The following TRIO variants were observed in gnomAD, a reference collection of about 807,000 sequenced individuals.
The protein encoded by TRIO is trio Rho guanine nucleotide exchange factor.
Under a neutral mutation model 351.9 loss-of-function variants are expected in TRIO, and 58 were observed. The ratio of observed to expected loss-of-function variants is 0.16; its 90% CI spans 0.13 to 0.21. TRIO has a LOEUF of 0.21. Ranked by LOEUF, TRIO falls within the 10% of genes least tolerant of loss-of-function variation. TRIO has a pLI of 1.00. For missense variants in TRIO, 3,201 were observed against 4,027.8 expected (o/e 0.79, Z 5.56); for synonymous variants, 1,758 against 1,595.7 (o/e 1.10, Z -2.42).
intron 1 of TRIO, among the ~76,000 whole-genome samples, chr5:14,195,988 T>G (rs1041029340): frequency 6.6e-6 from 1 of 152,234 alleles, no homozygotes; most frequent in Admixed American, 6.5e-5. Context: ...AAACTGAGCA[T>G]TATTTAAATG....
At chr5:14,256,164 T>C (rs962182746) in intron 1 of TRIO, among the ~76,000 whole-genome samples, 1 of 152,128 alleles carries the variant, frequency 6.6e-6, no homozygotes, top group African/African-American at 2.4e-5. Flanking sequence ...CACTTGTGGC[T>C]GAAGGTGAAG....
intron 9 of TRIO, 112 bp from the exon 10 acceptor site, chr5:14,330,666 T>G (rs777728195): frequency 5.2e-6 from 7 of 1,354,470 alleles, no homozygotes; most frequent in Non-Finnish European, 6.8e-6. Flanking sequence ...CTCGTTTGCT[T>G]CTTGTTTCTT....
intron 1 of TRIO, among the ~76,000 whole-genome samples, chr5:14,189,798 G>T (rs958122251): frequency 6.6e-6 from 1 of 151,292 alleles, no homozygotes; most frequent in African/African-American, 2.4e-5. Context: ...TGGCCTGATC[G>T]TAACTTACTG....
intron 1 of TRIO, among the ~76,000 whole-genome samples, chr5:14,162,364 A>G (rs1034658882): frequency 2.0e-5 from 3 of 152,212 alleles, no homozygotes; most frequent in Non-Finnish European, 4.4e-5. Context: ...CATGTCGTAA[A>G]TTATCAGAAC....
chr5:14,502,772 G>A, intron 54 of TRIO, 115 bp downstream of exon 54: 1 of 1,012,074 alleles, frequency 9.9e-7, no homozygotes, highest in Non-Finnish European at 1.5e-6. Context: ...GAAGCTGTGT[G>A]TCTTGCATTT....
At chr5:14,256,931 G>A (rs546737704) in intron 1 of TRIO, among the ~76,000 whole-genome samples, 13 of 152,332 alleles carry the variant, frequency 8.5e-5, no homozygotes, top group African/African-American at 3.1e-4. Flanking sequence ...AGCATAGTGG[G>A]CCAAGGGTGT....
At chr5:14,185,358 C>T (rs75437779) in intron 1 of TRIO, among the ~76,000 whole-genome samples, 1,746 of 152,350 alleles carry the variant, frequency 0.011, 25 homozygotes, top group African/African-American at 0.04. Flanking sequence ...ATGAATAGCA[C>T]AGTTCTTCCT....
chr5:14,146,147 CA>C lies in TRIO; in HGVS notation c.157+2266del, dbSNP rs564670025. ...TAGCATCTAGGCCAACGATGTCTAG[CA>C]GGGGGCAGAGAGGGGTCATTCTGTT... is the stretch of plus-strand genomic sequence containing the variant. On this transcript the variant is annotated intron_variant, in intron 1 of 56. Coordinates refer to ENST00000344204, the MANE Select transcript of TRIO (RefSeq NM_007118.4). Among the ~76,000 whole-genome samples, 652 of 148,844 alleles carry C rather than the reference CA, an allele frequency of 4.4e-3. 6 individuals carry two copies. The highest frequency in any genetic ancestry group is 0.016 in the African/African-American group (622 of 39,962).
chr5:14,502,748 C>A (rs1757387077), intron 54 of TRIO, 91 bp downstream of exon 54: 1 of 1,267,080 alleles, frequency 7.9e-7, no homozygotes, highest in Non-Finnish European at 1.1e-6. Flanking sequence ...GCAGTGTTAT[C>A]TTGCCAGCAA....
chr5:14,479,330 T>C lies in TRIO; in HGVS notation c.6223T>C (p.Tyr2075His). 2 of 1,613,422 alleles carry C rather than the reference T, an allele frequency of 1.2e-6. No homozygotes were observed. Among genetic ancestry groups the C allele is most frequent in the Non-Finnish European group, 8.5e-7 (1 of 1,179,628 alleles). The change falls in exon 42 of 57, where the codon TAC (tyrosine) becomes CAC (histidine). Residue 2075 changes from tyrosine to histidine, a missense_variant. Transcript: ENST00000344204. ...AAAGTCTGAGCACATTGTCTCAGAA[T>C]ACATTGATACCTTTTTTGAGGTAAG... Reference protein sequence around the residue: ...KPKSEHIVSEYIDTFFEDLKQ... With the variant: ...KPKSEHIVSEHIDTFFEDLKQ...
chr5:14,244,152 AG>A (rs1794300579), intron 1 of TRIO, among the ~76,000 whole-genome samples: 1 of 152,260 alleles, frequency 6.6e-6, no homozygotes, highest in African/African-American at 2.4e-5. Context: ...TTGATCTTTT[AG>A]GTTCATGAAG....
intron 3 of TRIO, among the ~76,000 whole-genome samples, chr5:14,281,010 G>A (rs570173281): frequency 6.6e-6 from 1 of 152,244 alleles, no homozygotes; most frequent in South Asian, 2.1e-4. Flanking sequence ...TCCGCAAGTG[G>A]GGAGTCATGA....
intron 56 of TRIO, among the ~76,000 whole-genome samples, chr5:14,507,545 G>C (rs1757793942): frequency 1.3e-5 from 2 of 152,060 alleles, no homozygotes; most frequent in South Asian, 2.1e-4. Context: ...GGCGGGTGCA[G>C]TGGTAGCTTA....
chr5:14,368,397 C>G (rs1744785727), intron 16 of TRIO, among the ~76,000 whole-genome samples: 1 of 152,158 alleles, frequency 6.6e-6, no homozygotes, highest in Non-Finnish European at 1.5e-5. Flanking sequence ...AACATTTCAA[C>G]CACTTCTTTG....
At chr5:14,492,456 G>A in intron 48 of TRIO, 111 bp from the exon 49 acceptor site, 3 of 1,461,234 alleles carry the variant, frequency 2.1e-6, no homozygotes, top group Non-Finnish European at 2.8e-6. Flanking sequence ...TGCCTGGTGA[G>A]CCCTGCACGG....
At chr5:14,290,344 A>G (rs1736798281) in intron 4 of TRIO, among the ~76,000 whole-genome samples, 1 of 152,334 alleles carries the variant, frequency 6.6e-6, no homozygotes, top group South Asian at 2.1e-4. Flanking sequence ...TGTAAGTGAA[A>G]TTTCTGAATT....
At position 14,487,504 on chromosome 5, in the gene TRIO, G is replaced by GGGC. The variant is rs749785358; in HGVS notation, c.6892_6894dup (p.Gly2298dup). 5.1e-4 allele frequency: 550 copies of GGGC among 1,083,308 alleles called. 1 individual carries two copies. In the East Asian group the frequency reaches 5.4e-3, roughly 11 times the overall value. The allele number at this position is 1,083,308 out of a possible 1,614,324, so 67.1% of individuals were successfully genotyped here. On this transcript the variant is annotated inframe_insertion, in exon 48 of 57. Transcript: ENST00000344204. ...TCGAGTACCAGAGGAACCACAGCGGGGGCGGCGGCGGCGGCGGCAGCGGGG... is the reference window on the plus strand; with the variant it reads ...TCGAGTACCAGAGGAACCACAGCGGGGGCGGCGGCGGCGGCGGCGGCAGCGGGG...
At chr5:14,481,517 A>G (rs1755513586) in intron 44 of TRIO, 24 bp from the exon 45 acceptor site, 3 of 1,612,302 alleles carry the variant, frequency 1.9e-6, no homozygotes, top group Admixed American at 1.7e-5. Context: ...TTGAGCTTTC[A>G]CTCTTCTCTC....
At chr5:14,185,130 T>G (rs1427486230) in intron 1 of TRIO, among the ~76,000 whole-genome samples, 1 of 146,920 alleles carries the variant, frequency 6.8e-6, no homozygotes, top group Non-Finnish European at 1.5e-5. Context: ...CCTTTCCACT[T>G]CCCCCATAAA....
Sources: gnomAD v4.1 joint callset for allele counts (sites outside exome capture counted in the v4.1 genomes callset) on GRCh38, gnomAD v4.1.1 for gene constraint, MANE v1.5 for transcripts, NCBI Gene and HGNC (gene_info 2026-07-23, HGNC 2026-07-21) for gene names.